The following CCDC91 variants were observed in gnomAD, a reference collection of about 807,000 sequenced individuals.
CCDC91 encodes coiled-coil domain containing 91.
Under a neutral mutation model 63.2 loss-of-function variants are expected in CCDC91, and 48 were observed. That is an observed-to-expected ratio of 0.76 (90% CI 0.60 to 0.97). The LOEUF is 0.97. Among genes scored for constraint, CCDC91 ranks in the 50% least tolerant of loss-of-function variants. CCDC91 has a pLI of 0.00. For synonymous variants in CCDC91, 167 were observed against 165.8 expected, an observed-to-expected ratio of 1.01 and a Z score of -0.06; for missense variants, 500 against 494.6, an observed-to-expected ratio of 1.01 and a Z score of -0.10.
At chr12:28,491,608 G>T (rs1952006237) in intron 12 of CCDC91, among the ~76,000 whole-genome samples, 1 of 151,670 alleles carries the variant, frequency 6.6e-6, no homozygotes, top group African/African-American at 2.4e-5. Context: ...TGTGGACTAG[G>T]CTATATAATA....
intron 3 of CCDC91, among the ~76,000 whole-genome samples, chr12:28,263,011 CAT>C (rs1371946102): frequency 1.3e-5 from 2 of 151,976 alleles, no homozygotes; most frequent in East Asian, 1.9e-4. Context: ...CTGTGATACA[CAT>C]AGTGTTCCCA....
At chr12:28,369,687 G>C (rs1334356097) in intron 7 of CCDC91, among the ~76,000 whole-genome samples, 1 of 152,194 alleles carries the variant, frequency 6.6e-6, no homozygotes, top group Non-Finnish European at 1.5e-5. Flanking sequence ...CTCCTCCTCT[G>C]TAGCAAACTT....
chr12:28,523,729 G>T (rs539063018), intron 12 of CCDC91, among the ~76,000 whole-genome samples: 35 of 152,126 alleles, frequency 2.3e-4, no homozygotes, highest in African/African-American at 7.0e-4. Flanking sequence ...TTCCTTTCCA[G>T]GTTTAGTGCT....
At chr12:28,281,961 G>A (rs1312243429) in intron 3 of CCDC91, among the ~76,000 whole-genome samples, 6 of 152,020 alleles carry the variant, frequency 3.9e-5, no homozygotes, top group Admixed American at 6.6e-5. Flanking sequence ...GAAAAGACTT[G>A]TAAACTGTTG....
At chr12:28,194,384 G>A (rs1428310749) in intron 1 of CCDC91, among the ~76,000 whole-genome samples, 1 of 152,128 alleles carries the variant, frequency 6.6e-6, no homozygotes, top group Non-Finnish European at 1.5e-5. Context: ...CCTCAAGAAT[G>A]AAGGCACGGA....
intron 11 of CCDC91, among the ~76,000 whole-genome samples, chr12:28,468,485 T>A (rs1166158558): frequency 6.6e-6 from 1 of 151,966 alleles, no homozygotes; most frequent in Admixed American, 6.6e-5. Context: ...GGAAACCTGA[T>A]GGCTTCACTG....
chr12:28,515,915 C>T (rs1939892986), intron 12 of CCDC91, among the ~76,000 whole-genome samples: 1 of 151,854 alleles, frequency 6.6e-6, no homozygotes. Context: ...ACTATCCCCT[C>T]AAAGGGAACT....
chr12:28,469,896 G>A (rs1950727468), intron 11 of CCDC91, among the ~76,000 whole-genome samples: 2 of 151,992 alleles, frequency 1.3e-5, no homozygotes, highest in Non-Finnish European at 1.5e-5. Flanking sequence ...TACAGAAGAA[G>A]TAAACTAGAC....
chr12:28,214,551 CAT>C (rs950434359), intron 1 of CCDC91, among the ~76,000 whole-genome samples: 5 of 151,604 alleles, frequency 3.3e-5, no homozygotes, highest in Non-Finnish European at 7.4e-5. Context: ...CTGTAATTGT[CAT>C]GTGTATTTCC....
At chr12:28,547,260 A>G (rs564840287) in intron 12 of CCDC91, among the ~76,000 whole-genome samples, 39 of 152,232 alleles carry the variant, frequency 2.6e-4, no homozygotes, top group African/African-American at 9.1e-4. Context: ...TAGAAGCTGA[A>G]AATACTTAGA....
intron 8 of CCDC91, among the ~76,000 whole-genome samples, chr12:28,424,728 TCTTTAG>T (rs1382805897): frequency 2.0e-5 from 3 of 152,206 alleles, no homozygotes; most frequent in Non-Finnish European, 4.4e-5. Flanking sequence ...ACTAATATTG[TCTTTAG>T]CTAAACAATA....
intron 3 of CCDC91, among the ~76,000 whole-genome samples, chr12:28,276,220 T>C (rs903061414): frequency 2.6e-5 from 4 of 152,092 alleles, no homozygotes; most frequent in Non-Finnish European, 4.4e-5. Context: ...TTTGTGTGTG[T>C]ATATTTAATC....
chr12:28,216,905 A>G (rs997343742), intron 1 of CCDC91, among the ~76,000 whole-genome samples: 1 of 152,132 alleles, frequency 6.6e-6, no homozygotes, highest in African/African-American at 2.4e-5. Flanking sequence ...AAAGGAACCA[A>G]CACTTCAGAG....
chr12:28,413,008 G>T, intron 8 of CCDC91: 1 of 190,088 alleles, frequency 5.3e-6, no homozygotes, highest in East Asian at 1.6e-4. Flanking sequence ...TATATTAATA[G>T]GCTTTACTAA....
intron 1 of CCDC91, among the ~76,000 whole-genome samples, chr12:28,222,215 T>C (rs1280842544): frequency 6.6e-6 from 1 of 152,192 alleles, no homozygotes; most frequent in Non-Finnish European, 1.5e-5. Context: ...ATGCTATCTG[T>C]ATACTGTAAT....
At chr12:28,359,301 A>G (rs1943723205) in intron 6 of CCDC91, among the ~76,000 whole-genome samples, 1 of 152,256 alleles carries the variant, frequency 6.6e-6, no homozygotes, top group Non-Finnish European at 1.5e-5. Flanking sequence ...TTACACTATA[A>G]TTGAAATGAT....
chr12:28,430,118 G>A (rs10843170), intron 8 of CCDC91, among the ~76,000 whole-genome samples: 31,107 of 151,724 alleles, frequency 0.21, 4,177 homozygotes, highest in Non-Finnish European at 0.3. Context: ...TTCATTTTAT[G>A]TTACAATAGC....
At chr12:28,455,160 T>TC (rs11421250) in intron 11 of CCDC91, among the ~76,000 whole-genome samples, 111,687 of 151,858 alleles carry the variant, frequency 0.74, 41,577 homozygotes, top group African/African-American at 0.78. Context: ...GCAGTAAATA[T>TC]CCTGAAGAGT....
intron 12 of CCDC91, among the ~76,000 whole-genome samples, chr12:28,530,008 G>C (rs1483555844): frequency 6.6e-6 from 1 of 152,292 alleles, no homozygotes; most frequent in Non-Finnish European, 1.5e-5. Flanking sequence ...CTAAGAAATA[G>C]TACTTAATTA....
Sources: allele counts gnomAD v4.1 joint callset (sites outside exome capture counted in the v4.1 genomes callset), GRCh38; gene constraint gnomAD v4.1.1; transcripts MANE v1.5; gene names NCBI Gene and HGNC (gene_info 2026-07-23, HGNC 2026-07-21).